KCNAB1: variants seen among roughly 807,000 people sequenced by gnomAD.
KCNAB1 encodes voltage-gated potassium channel subunit beta-1.
In KCNAB1, 35 loss-of-function variants were observed where a neutral mutation model predicts 64.6. That is an observed-to-expected ratio of 0.54 (90% CI 0.41 to 0.72). KCNAB1 has a LOEUF of 0.72. KCNAB1 is among the 30% of genes least tolerant of loss of function. The probability of loss-of-function intolerance (pLI) is 0.00; values close to 1 mark genes in which losing one functional copy is unlikely to be tolerated. For synonymous variants in KCNAB1, 177 were observed against 183.8 expected (o/e 0.96, Z 0.30); for missense variants, 401 against 512.9 (o/e 0.78, Z 2.11).
At chr3:156,285,046 G>A (rs998391968) in intron 1 of KCNAB1, among the ~76,000 whole-genome samples, 1 of 152,176 alleles carries the variant, frequency 6.6e-6, no homozygotes, top group Admixed American at 6.5e-5. Flanking sequence ...ATATGTACAA[G>A]AGTGAAACTG....
chr3:156,120,379 A>G (rs1713260485), upstream of KCNAB1, among the ~76,000 whole-genome samples: 1 of 152,188 alleles, frequency 6.6e-6, no homozygotes, highest in African/African-American at 2.4e-5. Flanking sequence ...TTGTTTTTAA[A>G]ATTTCCGTGT....
chr3:156,338,634 T>C (rs1723896004), intron 1 of KCNAB1, among the ~76,000 whole-genome samples: 2 of 152,120 alleles, frequency 1.3e-5, no homozygotes, highest in South Asian at 4.2e-4. Flanking sequence ...TTTCTTTCAT[T>C]TCACTAAGCA....
chr3:156,136,762 C>T (rs779583854), intron 1 of KCNAB1, among the ~76,000 whole-genome samples: 1 of 152,328 alleles, frequency 6.6e-6, no homozygotes, highest in East Asian at 1.9e-4. Context: ...CATTTCCCTT[C>T]GTTTAGCTTT....
intron 1 of KCNAB1, among the ~76,000 whole-genome samples, chr3:156,198,092 A>G (rs1714071529): frequency 6.6e-6 from 1 of 151,976 alleles, no homozygotes; most frequent in South Asian, 2.1e-4. Context: ...ATGTAGTTGC[A>G]TGGTTTTGAG....
At chr3:156,379,406 G>A (rs1711983052) in intron 1 of KCNAB1, among the ~76,000 whole-genome samples, 1 of 151,986 alleles carries the variant, frequency 6.6e-6, no homozygotes, top group South Asian at 2.1e-4. Flanking sequence ...AGAAAAGGAA[G>A]GTGGATGAGG....
intron 11 of KCNAB1, among the ~76,000 whole-genome samples, chr3:156,520,029 CA>C (rs1717835704): frequency 6.6e-6 from 1 of 151,856 alleles, no homozygotes; most frequent in African/African-American, 2.4e-5. Context: ...GGAACCCCAA[CA>C]AAAAAACACT....
At chr3:156,273,544 C>T (rs1560168729) in intron 1 of KCNAB1, 4 of 456,336 alleles carry the variant, frequency 8.8e-6, no homozygotes, top group African/African-American at 2.0e-5. Flanking sequence ...CTCTCCCTCC[C>T]CTAAGCACAC....
chr3:156,314,233 CA>C (rs1384263640), intron 1 of KCNAB1, among the ~76,000 whole-genome samples: 3 of 152,096 alleles, frequency 2.0e-5, no homozygotes, highest in Non-Finnish European at 4.4e-5. Context: ...AGTAAAAAGG[CA>C]AAAATGTAGT....
At chr3:156,533,428 C>T (rs896329661) in intron 13 of KCNAB1, among the ~76,000 whole-genome samples, 3 of 152,082 alleles carry the variant, frequency 2.0e-5, no homozygotes, top group African/African-American at 7.2e-5. Context: ...CCAGGAACTG[C>T]CAGCTAAGGC....
At chr3:156,391,090 A>G (rs1713007781) in intron 1 of KCNAB1, among the ~76,000 whole-genome samples, 2 of 152,126 alleles carry the variant, frequency 1.3e-5, no homozygotes. Flanking sequence ...GGTATTTAAG[A>G]TATACAGATA....
chr3:156,417,928 G>A (rs1715196989), intron 1 of KCNAB1, among the ~76,000 whole-genome samples: 1 of 152,230 alleles, frequency 6.6e-6, no homozygotes, highest in Non-Finnish European at 1.5e-5. Context: ...TACTGACGCT[G>A]TAGGATTTCC....
At chr3:156,463,642 C>A in intron 5 of KCNAB1, 60 bp from the exon 6 acceptor site, 2 of 1,272,688 alleles carry the variant, frequency 1.6e-6, no homozygotes, top group Non-Finnish European at 2.2e-6. Flanking sequence ...AATAATATGA[C>A]TCGGTACAAT....
intron 1 of KCNAB1, among the ~76,000 whole-genome samples, chr3:156,203,668 C>A (rs769470739): frequency 6.6e-6 from 1 of 152,114 alleles, no homozygotes; most frequent in Non-Finnish European, 1.5e-5. Flanking sequence ...TTGATACTGC[C>A]GTCAAATCAT....
At chr3:156,285,229 T>C (rs888796553) in intron 1 of KCNAB1, among the ~76,000 whole-genome samples, 5 of 152,258 alleles carry the variant, frequency 3.3e-5, no homozygotes, top group African/African-American at 9.6e-5. Context: ...ATTCCACTTA[T>C]CTTTGAAAAC....
chr3:156,476,584 T>TAC (rs1320613894), intron 8 of KCNAB1, among the ~76,000 whole-genome samples: 2 of 148,518 alleles, frequency 1.3e-5, no homozygotes, highest in Non-Finnish European at 1.5e-5. Flanking sequence ...CACACATATA[T>TAC]ACACACACAC....
chr3:156,281,541 T>TACC (rs1472536222), intron 1 of KCNAB1, among the ~76,000 whole-genome samples: 2 of 152,200 alleles, frequency 1.3e-5, no homozygotes, highest in African/African-American at 4.8e-5. Context: ...GAAGGAATGG[T>TACC]ACCAATTCCT....
intron 1 of KCNAB1, among the ~76,000 whole-genome samples, chr3:156,249,115 T>C (rs1444016380): frequency 6.6e-6 from 1 of 152,040 alleles, no homozygotes; most frequent in African/African-American, 2.4e-5. Flanking sequence ...TAAGAGAATA[T>C]AATATAATGT....
At chr3:156,427,435 G>A (rs1046802862) in intron 2 of KCNAB1, among the ~76,000 whole-genome samples, 3 of 152,222 alleles carry the variant, frequency 2.0e-5, no homozygotes, top group African/African-American at 4.8e-5. Context: ...CTGCCTGAGT[G>A]TATGCTCCCT....
intron 1 of KCNAB1, among the ~76,000 whole-genome samples, chr3:156,367,927 A>G (rs1488615973): frequency 6.6e-6 from 1 of 152,176 alleles, no homozygotes; most frequent in Non-Finnish European, 1.5e-5. Context: ...CCAAACTCCA[A>G]ACAAACAATG....
Sources: gnomAD v4.1 joint callset for allele counts (sites outside exome capture counted in the v4.1 genomes callset) on GRCh38, gnomAD v4.1.1 for gene constraint, MANE v1.5 for transcripts, NCBI Gene and HGNC (gene_info 2026-07-23, HGNC 2026-07-21) for gene names.